Variants in ATL1 observed in about 807,000 individuals in gnomAD.
ATL1 encodes the protein atlastin GTPase 1, also known as atlastin-1.
In ATL1, 31 loss-of-function variants were observed where a neutral mutation model predicts 75.5. The observed-to-expected ratio is 0.41, with a 90% CI of 0.31 to 0.55. The LOEUF (loss-of-function observed/expected upper bound fraction) is 0.55, where lower values mean the gene tolerates loss of function less well. ATL1 is among the 20% of genes least tolerant of loss of function. The pLI is 0.27. For missense variants in ATL1, 405 were observed against 662.6 expected (o/e 0.61, Z 4.27); for synonymous variants, 226 against 233.3 (o/e 0.97, Z 0.28).
chr14:50,548,426 A>C (rs1176862492), intron 1 of ATL1, among the ~76,000 whole-genome samples: 1 of 152,218 alleles, frequency 6.6e-6, no homozygotes, highest in East Asian at 1.9e-4. Flanking sequence ...TTGTATTAGA[A>C]GTCACTAGAG....
intron 6 of ATL1, among the ~76,000 whole-genome samples, chr14:50,602,029 C>T (rs2039276058): frequency 6.6e-6 from 1 of 152,152 alleles, no homozygotes; most frequent in Non-Finnish European, 1.5e-5. Flanking sequence ...CCTGGCCCCA[C>T]ATTGTTCTGT....
intron 1 of ATL1, among the ~76,000 whole-genome samples, chr14:50,548,326 G>A (rs2038660287): frequency 2.0e-5 from 3 of 152,082 alleles, no homozygotes; most frequent in Admixed American, 2.0e-4. Flanking sequence ...AAATGGGATT[G>A]GGCACACATA....
intron 11 of ATL1, among the ~76,000 whole-genome samples, chr14:50,623,925 C>T (rs1349340459): frequency 6.6e-6 from 1 of 151,982 alleles, no homozygotes; most frequent in African/African-American, 2.4e-5. Flanking sequence ...CCTGATGGCA[C>T]GCACCTGTAA....
chr14:50,584,529 T>C lies in ATL1; in HGVS notation c.35-3302T>C, dbSNP rs560188427. On this transcript the variant is annotated intron_variant, in intron 1 of 13. Coordinates refer to ENST00000358385, the MANE Select transcript of ATL1 (RefSeq NM_015915.5). Reference sequence around the variant, plus strand: ...CCATCCTGGCTAACATGGTGAAACCTTGTCTCTACTAAAAATAAAAAAATA... The same window carrying C: ...CCATCCTGGCTAACATGGTGAAACCCTGTCTCTACTAAAAATAAAAAAATA... Among the ~76,000 whole-genome samples, 34 of 151,956 alleles carry C rather than the reference T, an allele frequency of 2.2e-4. No homozygotes were observed. The East Asian group carries it at 4.1e-3, about 18-fold the overall frequency.
At chr14:50,619,812 T>G (rs2039450026) in intron 8 of ATL1, among the ~76,000 whole-genome samples, 2 of 152,150 alleles carry the variant, frequency 1.3e-5, no homozygotes, top group Admixed American at 1.3e-4. Flanking sequence ...GCTTACCCAG[T>G]TTTGTACAGT....
intron 1 of ATL1, among the ~76,000 whole-genome samples, chr14:50,582,410 C>CTTTTTTTT: frequency 7.0e-6 from 1 of 143,652 alleles, no homozygotes; most frequent in African/African-American, 2.5e-5. Flanking sequence ...AAACTTTTCT[C>CTTTTTTTT]TTTTTTTTTT....
chr14:50,593,752 T>A, intron 4 of ATL1, 94 bp from the exon 5 acceptor site: 1 of 799,486 alleles, frequency 1.3e-6, no homozygotes, highest in Non-Finnish European at 2.2e-6. Flanking sequence ...GTCCATTTTG[T>A]GGTAACTGAT....
chr14:50,595,715 C>CT (rs1377322229), intron 6 of ATL1, 83 bp downstream of exon 6: 47 of 1,293,010 alleles, frequency 3.6e-5, no homozygotes, highest in Non-Finnish European at 5.0e-5. Context: ...GGTCATGTTT[C>CT]CTTCTCTTTT....
chr14:50,600,464 A>T (rs1192340570), intron 6 of ATL1, among the ~76,000 whole-genome samples: 1 of 152,216 alleles, frequency 6.6e-6, no homozygotes, highest in Admixed American at 6.5e-5. Context: ...TAAAGGTGGC[A>T]TCCAAAGTTA....
chr14:50,607,385 G>A (rs773329181), intron 6 of ATL1, among the ~76,000 whole-genome samples: 2 of 152,056 alleles, frequency 1.3e-5, no homozygotes, highest in South Asian at 4.1e-4. Context: ...CGTCAGGGGC[G>A]TGTTTTGGAG....
chr14:50,539,276 CTAGCACT>C (rs1358570822), intron 1 of ATL1, among the ~76,000 whole-genome samples: 2 of 152,116 alleles, frequency 1.3e-5, no homozygotes, highest in Non-Finnish European at 2.9e-5. Context: ...AGATCAATCT[CTAGCACT>C]TAGCTGCTGT....
intron 1 of ATL1, among the ~76,000 whole-genome samples, chr14:50,587,539 A>G (rs1391366138): frequency 6.7e-6 from 1 of 150,194 alleles, no homozygotes; most frequent in Admixed American, 6.6e-5. Context: ...GCCTCCTGAG[A>G]GCTGGGACCA....
intron 13 of ATL1, 26 bp downstream of exon 13, chr14:50,630,035 A>G: frequency 1.3e-6 from 2 of 1,554,268 alleles, no homozygotes; most frequent in Non-Finnish European, 1.8e-6. Flanking sequence ...TAAAATTCAG[A>G]GCTATGTATG....
chr14:50,599,981 GT>G (rs1394937806), intron 6 of ATL1, among the ~76,000 whole-genome samples: 1 of 139,636 alleles, frequency 7.2e-6, no homozygotes, highest in Non-Finnish European at 1.5e-5. Context: ...AGACTCTGTT[GT>G]CTTTTTTTTT....
chr14:50,619,669 A>G (rs2047150), intron 8 of ATL1, among the ~76,000 whole-genome samples: 33,037 of 152,082 alleles, frequency 0.22, 4,980 homozygotes, highest in African/African-American at 0.44. Flanking sequence ...AAACATGACA[A>G]CTACATACTC....
At chr14:50,572,106 A>C (rs1360667734) in intron 1 of ATL1, 1 of 475,582 alleles carries the variant, frequency 2.1e-6, no homozygotes, top group African/African-American at 2.0e-5. Flanking sequence ...CTTGTCCATA[A>C]ATTTTTTTAA....
intron 6 of ATL1, among the ~76,000 whole-genome samples, chr14:50,612,735 C>G (rs1347100676): frequency 6.6e-6 from 1 of 151,992 alleles, no homozygotes. Flanking sequence ...TGTTAACTAT[C>G]GTTAAATCCA....
intron 4 of ATL1, 108 bp from the exon 5 acceptor site, chr14:50,593,738 G>A: frequency 1.4e-6 from 1 of 724,578 alleles, no homozygotes; most frequent in Non-Finnish European, 2.5e-6. Flanking sequence ...ATGTACATAA[G>A]AGAGTCCATT....
intron 1 of ATL1, among the ~76,000 whole-genome samples, chr14:50,542,188 G>T (rs2038572631): frequency 6.6e-6 from 1 of 150,496 alleles, no homozygotes; most frequent in South Asian, 2.1e-4. Context: ...TAGAAATTGG[G>T]AGTTACCCTG....
Sources: allele counts gnomAD v4.1 joint callset (sites outside exome capture counted in the v4.1 genomes callset), GRCh38; gene constraint gnomAD v4.1.1; transcripts MANE v1.5; gene names NCBI Gene and HGNC (gene_info 2026-07-23, HGNC 2026-07-21).